CTNNA2: variants seen among roughly 807,000 people sequenced by gnomAD.
The protein encoded by CTNNA2 is catenin alpha 2, also known as catenin alpha-2.
In CTNNA2, 42 loss-of-function variants were observed where a neutral mutation model predicts 101.0. The observed-to-expected ratio is 0.42, with a 90% CI of 0.32 to 0.54. CTNNA2 has a LOEUF of 0.54. Among genes scored for constraint, CTNNA2 ranks in the 20% least tolerant of loss-of-function variants. The pLI is 0.14. For missense variants in CTNNA2, 871 were observed against 1,223.1 expected (o/e 0.71, Z 4.29); for synonymous variants, 450 against 456.4 (o/e 0.99, Z 0.18).
intron 7 of CTNNA2, among the ~76,000 whole-genome samples, chr2:80,382,519 G>T (rs1026581920): frequency 2.0e-5 from 3 of 152,160 alleles, no homozygotes; most frequent in Admixed American, 1.3e-4. Context: ...TGTTCATAAA[G>T]AACCAAATAA....
At chr2:79,306,884 T>A (rs12620903) in intron 2 of CTNNA2, among the ~76,000 whole-genome samples, 29 of 152,216 alleles carry the variant, frequency 1.9e-4, no homozygotes, top group African/African-American at 7.0e-4. Context: ...ATAAGACATC[T>A]CTACATGTGC....
chr2:79,291,158 A>T (rs2104378661), intron 2 of CTNNA2, among the ~76,000 whole-genome samples: 1 of 152,348 alleles, frequency 6.6e-6, no homozygotes, highest in Non-Finnish European at 1.5e-5. Context: ...CTATGACACA[A>T]GTAACCACCC....
intron 7 of CTNNA2, among the ~76,000 whole-genome samples, chr2:80,332,202 T>A (rs1029006212): frequency 3.3e-5 from 5 of 152,182 alleles, no homozygotes; most frequent in African/African-American, 1.2e-4. Flanking sequence ...ACAAACAAAC[T>A]CACTCACTGT....
chr2:80,537,791 C>T (rs1691172189), intron 9 of CTNNA2, among the ~76,000 whole-genome samples: 1 of 151,972 alleles, frequency 6.6e-6, no homozygotes, highest in Admixed American at 6.6e-5. Flanking sequence ...TGGGGTTTCT[C>T]CATGTTGGTC....
intron 7 of CTNNA2, among the ~76,000 whole-genome samples, chr2:80,362,943 G>T (rs1674554995): frequency 1.3e-5 from 2 of 149,972 alleles, no homozygotes; most frequent in Non-Finnish European, 3.0e-5. Context: ...TATATATCAG[G>T]CCTGTGAATT....
In CTNNA2 at chr2:80,109,849, CTCCACCAGTTCTCG is replaced by C. The variant is rs375065755; in HGVS notation, c.1056+200055_1056+200068del. Among the ~76,000 whole-genome samples the C allele has an allele frequency of 4.4e-3, 665 of 152,268 alleles. 3 individuals carry two copies. The highest frequency in any genetic ancestry group is 0.015 in the African/African-American group (627 of 41,558). On this transcript the variant is annotated intron_variant, in intron 7 of 18. Coordinates refer to ENST00000402739, the MANE Select transcript of CTNNA2 (RefSeq NM_001282597.3). The stretch of plus-strand genomic sequence containing the variant: ...GCTCACTAAATGCTTTTTTTACTTC[CTCCACCAGTTCTCG>C]TCATCTTAAAATCTAACTCAAGTCA...
chr2:79,462,336 T>G (rs2104536700), intron 4 of CTNNA2, among the ~76,000 whole-genome samples: 1 of 152,314 alleles, frequency 6.6e-6, no homozygotes, highest in African/African-American at 2.4e-5. Flanking sequence ...AGATAATTTA[T>G]CTAGAGATTC....
chr2:79,386,339 C>T (rs1402810813), intron 4 of CTNNA2, among the ~76,000 whole-genome samples: 1 of 152,140 alleles, frequency 6.6e-6, no homozygotes, highest in Non-Finnish European at 1.5e-5. Flanking sequence ...AGTAAGCTAC[C>T]TGTTGACAGG....
rs779584319 is a variant in CTNNA2 at position 79,840,820 on chromosome 2, AGTGGC to A, written c.299-17186_299-17182del. 2.2e-3 allele frequency among the ~76,000 whole-genome samples: 335 copies of A among 149,682 alleles called. 5 individuals carry two copies. Among genetic ancestry groups the A allele is most frequent in the Non-Finnish European group, 3.3e-3 (225 of 67,698 alleles). On this transcript the variant is annotated intron_variant, in intron 3 of 18. Coordinates refer to ENST00000402739, the MANE Select transcript of CTNNA2 (RefSeq NM_001282597.3). ...CGCTCTTTCGCCCAGGCCGGACTGC[AGTGGC>A]GTGGCGCGATCTCGGCTCACTGCAA...
intron 3 of CTNNA2, among the ~76,000 whole-genome samples, chr2:79,811,142 C>T (rs991260432): frequency 1.4e-4 from 22 of 151,740 alleles, no homozygotes; most frequent in Non-Finnish European, 2.5e-4. Context: ...ACAGTCCCAC[C>T]AACAGTGTAA....
chr2:79,243,155 G>A (rs1425221083), intron 2 of CTNNA2, among the ~76,000 whole-genome samples: 1 of 151,968 alleles, frequency 6.6e-6, no homozygotes, highest in Non-Finnish European at 1.5e-5. Context: ...TTGGAGCACA[G>A]TTATAAAGAG....
intron 1 of CTNNA2, among the ~76,000 whole-genome samples, chr2:79,197,196 A>C (rs1254159688): frequency 6.6e-6 from 1 of 152,212 alleles, no homozygotes; most frequent in East Asian, 1.9e-4. Flanking sequence ...AATTAGAACA[A>C]ACAGAGACTA....
intron 2 of CTNNA2, among the ~76,000 whole-genome samples, chr2:79,708,124 A>C (rs569427414): frequency 6.6e-6 from 1 of 152,312 alleles, no homozygotes; most frequent in African/African-American, 2.4e-5. Flanking sequence ...AGTTAGATCA[A>C]GTGATTGTAG....
At chr2:79,951,866 G>A (rs1010954021) in intron 7 of CTNNA2, among the ~76,000 whole-genome samples, 9 of 151,980 alleles carry the variant, frequency 5.9e-5, no homozygotes, top group South Asian at 4.2e-4. Context: ...CTCTAAACTC[G>A]GCTTCCTACA....
At chr2:80,332,359 G>A (rs1013266187) in intron 7 of CTNNA2, among the ~76,000 whole-genome samples, 7 of 152,134 alleles carry the variant, frequency 4.6e-5, no homozygotes, top group Non-Finnish European at 8.8e-5. Flanking sequence ...TTTACTGGCT[G>A]TTAATTGTTA....
chr2:80,290,388 T>C (rs536249872), intron 7 of CTNNA2, among the ~76,000 whole-genome samples: 9 of 152,146 alleles, frequency 5.9e-5, no homozygotes, highest in East Asian at 1.9e-4. Flanking sequence ...GACCTTCTCA[T>C]TTCTTCCCCA....
At chr2:80,573,776 CAAAG>C (rs1694805876) in intron 12 of CTNNA2, among the ~76,000 whole-genome samples, 1 of 152,102 alleles carries the variant, frequency 6.6e-6, no homozygotes, top group African/African-American at 2.4e-5. Flanking sequence ...ATTTTATAGA[CAAAG>C]AAACAGGTTA....
intron 4 of CTNNA2, among the ~76,000 whole-genome samples, chr2:79,464,404 T>C (rs564715123): frequency 6.6e-6 from 1 of 152,340 alleles, no homozygotes; most frequent in Non-Finnish European, 1.5e-5. Flanking sequence ...TTGGGTTGGT[T>C]CCAAGTCTTT....
At chr2:79,338,575 A>ATCTTCTTCTTCTTCCTCTTCTTCT (rs1239699778) in intron 3 of CTNNA2, among the ~76,000 whole-genome samples, 1 of 115,422 alleles carries the variant, frequency 8.7e-6, no homozygotes, top group Non-Finnish European at 1.8e-5. Flanking sequence ...CTTCCTCCTC[A>ATCTTCTTCTTCTTCCTCTTCTTCT]TCATCTTCTT....
Sources: allele counts gnomAD v4.1 joint callset (sites outside exome capture counted in the v4.1 genomes callset), GRCh38; gene constraint gnomAD v4.1.1; transcripts MANE v1.5; gene names NCBI Gene and HGNC (gene_info 2026-07-23, HGNC 2026-07-21).